Variants in LY75 observed in about 807,000 individuals in gnomAD.
LY75 encodes C-type lectin domain family 13 member B.
A neutral mutation model predicts 231.7 loss-of-function variants in LY75; 185 were observed. The observed-to-expected ratio is 0.80, with a 90% CI of 0.71 to 0.90. The LOEUF is 0.90. Among genes scored for constraint, LY75 ranks in the 40% least tolerant of loss-of-function variants. The probability of loss-of-function intolerance (pLI) is 0.00; values close to 1 mark genes in which losing one functional copy is unlikely to be tolerated. For synonymous variants in LY75, 668 were observed against 689.0 expected, an observed-to-expected ratio of 0.97 and a Z score of 0.48; for missense variants, 1,947 against 2,050.2, an observed-to-expected ratio of 0.95 and a Z score of 0.97.
intron 9 of LY75, among the ~76,000 whole-genome samples, chr2:159,879,053 A>G (rs1685358903): frequency 6.6e-6 from 1 of 152,212 alleles, no homozygotes; most frequent in Non-Finnish European, 1.5e-5. Flanking sequence ...AATTCTACAA[A>G]TATTTATAGA....
chr2:159,834,013 C>A (rs1683743705), intron 27 of LY75, 31 bp downstream of exon 27: 4 of 1,604,318 alleles, frequency 2.5e-6, no homozygotes, highest in African/African-American at 1.3e-5. Flanking sequence ...GTCCTTATAG[C>A]AACATGAGAA....
chr2:159,904,710 G>A lies in LY75; in HGVS notation c.-28C>T, dbSNP rs1355833926. The A allele has an allele frequency of 7.1e-7, 1 of 1,398,898 alleles. No homozygotes were observed. The allele number at this position is 1,398,898 out of a possible 1,614,324, so 86.7% of individuals were successfully genotyped here. ...TGAGCTGGCGCAAGCCTTCCGGCCG[G>A]GTCCTCGGGCGCACGCGGCTCCCGC... On this transcript the variant is annotated 5_prime_UTR_variant, in exon 1 of 35. Transcript: ENST00000263636.
At chr2:159,812,997 G>A (rs753005163) in intron 31 of LY75, among the ~76,000 whole-genome samples, 1 of 152,082 alleles carries the variant, frequency 6.6e-6, no homozygotes, top group Non-Finnish European at 1.5e-5. Context: ...TGTCTTCAGG[G>A]TTCATCTGTG....
At chr2:159,894,696 G>A (rs1685861666) in intron 2 of LY75, among the ~76,000 whole-genome samples, 1 of 152,194 alleles carries the variant, frequency 6.6e-6, no homozygotes, top group African/African-American at 2.4e-5. Flanking sequence ...AAGGTACAAG[G>A]CATGGTAATT....
chr2:159,902,671 G>C (rs530856968), intron 1 of LY75: 16 of 152,330 alleles, frequency 1.1e-4, no homozygotes, highest in Admixed American at 4.6e-4. Flanking sequence ...TGTACAGGTA[G>C]GTGCAGCAAG....
chr2:159,886,547 A>C lies in LY75; in HGVS notation c.803-17T>G. ...CTTCTTTTTCTGTAAGAATTAAAAA[A>C]TTTTTAAAAAGTGACAAAGTTGCCT... is the stretch of plus-strand genomic sequence containing the variant. On this transcript the variant is annotated splice_polypyrimidine_tract_variant and intron_variant, in intron 4 of 34. Transcript: ENST00000263636. 6 of 1,575,008 alleles carry C rather than the reference A, an allele frequency of 3.8e-6. No homozygotes were observed. Among genetic ancestry groups the C allele is most frequent in the Non-Finnish European group, 5.2e-6 (6 of 1,165,026 alleles).
chr2:159,894,161 G>GCC (rs1685840831), intron 2 of LY75, 77 bp from the exon 3 acceptor site: 1 of 1,476,448 alleles, frequency 6.8e-7, no homozygotes, highest in Admixed American at 2.3e-5. Flanking sequence ...TTCTAAAACT[G>GCC]TTTTTAAAAG....
chr2:159,877,742 A>G (rs1388485890), intron 11 of LY75, among the ~76,000 whole-genome samples: 1 of 151,938 alleles, frequency 6.6e-6, no homozygotes, highest in Non-Finnish European at 1.5e-5. Flanking sequence ...GTTGGCATGC[A>G]CCTGTAATCC....
intron 7 of LY75, among the ~76,000 whole-genome samples, chr2:159,881,664 AT>A (rs1685439653): frequency 2.0e-5 from 3 of 152,184 alleles, no homozygotes; most frequent in Admixed American, 1.3e-4. Flanking sequence ...TAAGAGTTCT[AT>A]TCTAGGAAGA....
chr2:159,819,869 C>A lies in LY75; in HGVS notation c.4010G>T (p.Arg1337Ile). The change falls in exon 29 of 35, where the codon AGA (arginine) becomes ATA (isoleucine). Residue 1337 changes from arginine to isoleucine, a missense_variant. Coordinates refer to ENST00000263636, the MANE Select transcript of LY75 (RefSeq NM_002349.4). The part of the protein sequence containing the change: ...DKTPLSYTHW[R>I]AGRPTIKNEK... ...ATTTTTTATAGTTGGTCTTCCTGCT[C>A]TCCAATGTGTATATGACAGTGGGGT... 2 of 1,614,048 alleles carry A rather than the reference C, an allele frequency of 1.2e-6. No homozygotes were observed. The highest frequency in any genetic ancestry group is 1.7e-6 in the Non-Finnish European group (2 of 1,179,982).
intron 31 of LY75, among the ~76,000 whole-genome samples, chr2:159,813,137 C>A (rs1480518318): frequency 6.6e-6 from 1 of 152,182 alleles, no homozygotes; most frequent in Non-Finnish European, 1.5e-5. Flanking sequence ...GTACAAACAC[C>A]TGTTTGAATC....
intron 1 of LY75, 33 bp downstream of exon 1, chr2:159,904,556 A>C (rs900663759): frequency 6.7e-7 from 1 of 1,501,504 alleles, no homozygotes; most frequent in South Asian, 1.2e-5. Context: ...CGAGGCACCC[A>C]GCGGACTGCG....
intron 14 of LY75, among the ~76,000 whole-genome samples, chr2:159,862,732 T>C (rs1006470460): frequency 2.0e-5 from 3 of 152,184 alleles, no homozygotes; most frequent in African/African-American, 4.8e-5. Flanking sequence ...ACATGATGTT[T>C]TGAAGTATAT....
At position 159,831,801 on chromosome 2, in the gene LY75, A is replaced by G; in HGVS notation, c.3842-15T>C. On this transcript the variant is annotated splice_polypyrimidine_tract_variant and intron_variant, in intron 27 of 34. Transcript: ENST00000263636. Reference sequence around the variant, plus strand: ...TGATTTTGGATCTGTTGAATAAAAAATAATCAATAATTTTAACAATTACTT... The same window carrying G: ...TGATTTTGGATCTGTTGAATAAAAAGTAATCAATAATTTTAACAATTACTT... The G allele has an allele frequency of 6.3e-7, 1 of 1,581,852 alleles. No individual in the cohort carries two copies. Among genetic ancestry groups the G allele is most frequent in the Non-Finnish European group, 8.6e-7 (1 of 1,162,382 alleles).
At chr2:159,877,859 A>AC (rs1303639345) in intron 11 of LY75, among the ~76,000 whole-genome samples, 3 of 152,180 alleles carry the variant, frequency 2.0e-5, no homozygotes, top group African/African-American at 7.2e-5. Context: ...ACAGAGTGAG[A>AC]CCCCATCTCA....
chr2:159,883,719 T>A (rs1298424670), intron 6 of LY75, among the ~76,000 whole-genome samples: 1 of 152,218 alleles, frequency 6.6e-6, no homozygotes, highest in African/African-American at 2.4e-5. Flanking sequence ...GTGCTGGCTT[T>A]TCTATTATGC....
At chr2:159,831,614 T>C in intron 28 of LY75, 56 bp downstream of exon 28, 1 of 1,564,182 alleles carries the variant, frequency 6.4e-7, no homozygotes, top group Non-Finnish European at 8.7e-7. Flanking sequence ...GCTTGATAAT[T>C]ATGTTATAAT....
chr2:159,856,125 G>A (rs550536792), intron 16 of LY75, among the ~76,000 whole-genome samples: 1 of 152,170 alleles, frequency 6.6e-6, no homozygotes, highest in African/African-American at 2.4e-5. Flanking sequence ...TTAAATTAGT[G>A]AGAAAAGTAG....
At chr2:159,869,455 A>T (rs940476562) in intron 13 of LY75, among the ~76,000 whole-genome samples, 6 of 152,190 alleles carry the variant, frequency 3.9e-5, no homozygotes, top group African/African-American at 1.4e-4. Context: ...GTTCATCAGC[A>T]TGATGGTAGG....
Sources: gnomAD v4.1 joint callset for allele counts (sites outside exome capture counted in the v4.1 genomes callset) on GRCh38, gnomAD v4.1.1 for gene constraint, MANE v1.5 for transcripts, NCBI Gene and HGNC (gene_info 2026-07-23, HGNC 2026-07-21) for gene names.